Variants in VPS35L observed in about 807,000 individuals in gnomAD.
The protein encoded by VPS35L is VPS35 endosomal protein-sorting factor-like.
A neutral mutation model predicts 133.0 loss-of-function variants in VPS35L; 83 were observed. That is an observed-to-expected ratio of 0.62 (90% CI 0.52 to 0.75). The LOEUF (loss-of-function observed/expected upper bound fraction) is 0.75, where lower values mean the gene tolerates loss of function less well. VPS35L is among the 30% of genes least tolerant of loss of function. The pLI is 0.00. For synonymous variants in VPS35L, 423 were observed against 449.9 expected, an observed-to-expected ratio of 0.94 and a Z score of 0.76; for missense variants, 1,083 against 1,206.8, an observed-to-expected ratio of 0.90 and a Z score of 1.52.
At chr16:19,694,732 C>A (rs544545900) in intron 29 of VPS35L, among the ~76,000 whole-genome samples, 1 of 152,136 alleles carries the variant, frequency 6.6e-6, no homozygotes, top group Non-Finnish European at 1.5e-5. Context: ...TGGCCGGGCA[C>A]GGTTGGCTCA....
chr16:19,616,405 G>A (rs1165897151), intron 13 of VPS35L, among the ~76,000 whole-genome samples: 1 of 152,076 alleles, frequency 6.6e-6, no homozygotes, highest in African/African-American at 2.4e-5. Context: ...AACAGGAAAC[G>A]TCTCCAGTCG....
intron 7 of VPS35L, chr16:19,582,000 A>G (rs751358906): frequency 1.9e-4 from 39 of 204,086 alleles, no homozygotes; most frequent in Non-Finnish European, 3.4e-4. Flanking sequence ...AGATTGAGCA[A>G]CTTTCTTTCG....
chr16:19,654,352 A>G (rs1276712368), intron 26 of VPS35L, among the ~76,000 whole-genome samples: 2 of 138,440 alleles, frequency 1.4e-5, no homozygotes, highest in African/African-American at 6.9e-5. Context: ...CCACTAGGAC[A>G]GGCACGTGTC....
chr16:19,572,532 CCCTGCAT>C (rs1433470385), intron 3 of VPS35L, among the ~76,000 whole-genome samples: 1 of 152,206 alleles, frequency 6.6e-6, no homozygotes, highest in African/African-American at 2.4e-5. Flanking sequence ...GGGTCTGTTT[CCCTGCAT>C]CCTTGCCAGC....
At chr16:19,694,669 T>C (rs973338119) in intron 29 of VPS35L, among the ~76,000 whole-genome samples, 2 of 152,022 alleles carry the variant, frequency 1.3e-5, no homozygotes, top group South Asian at 2.1e-4. Context: ...TCTTATTTCT[T>C]ACACAGCCGA....
intron 1 of VPS35L, among the ~76,000 whole-genome samples, chr16:19,559,287 T>G (rs1970954227): frequency 6.6e-6 from 1 of 152,188 alleles, no homozygotes; most frequent in Non-Finnish European, 1.5e-5. Context: ...GCCTGGGGTA[T>G]TTCAGCCCGC....
intron 21 of VPS35L, among the ~76,000 whole-genome samples, chr16:19,641,124 G>C (rs1973775574): frequency 1.3e-5 from 2 of 152,004 alleles, no homozygotes; most frequent in Admixed American, 1.3e-4. Context: ...GAGTGAAATG[G>C]TGCGATCTCA....
chr16:19,690,991 T>C (rs58568604), intron 28 of VPS35L, among the ~76,000 whole-genome samples: 18,050 of 150,930 alleles, frequency 0.12, 2,059 homozygotes, highest in African/African-American at 0.3. Context: ...AAAAGAAAAA[T>C]CATGTCTTCA....
chr16:19,559,995 G>A (rs11865920), intron 1 of VPS35L, among the ~76,000 whole-genome samples: 21,842 of 152,022 alleles, frequency 0.14, 2,220 homozygotes, highest in East Asian at 0.37. Context: ...GAGCCACTGC[G>A]CCCGGCCCAG....
intron 9 of VPS35L, among the ~76,000 whole-genome samples, chr16:19,607,269 G>A (rs1009004963): frequency 6.6e-6 from 1 of 152,290 alleles, no homozygotes; most frequent in Admixed American, 6.5e-5. Context: ...CTGGTACCAA[G>A]GATCCTCACT....
intron 9 of VPS35L, among the ~76,000 whole-genome samples, chr16:19,603,270 C>T (rs1442253997): frequency 6.6e-6 from 1 of 152,110 alleles, no homozygotes; most frequent in Non-Finnish European, 1.5e-5. Flanking sequence ...CTTGCTCTTT[C>T]TTAGTGCTGC....
chr16:19,614,453 C>A (rs1972822230), intron 12 of VPS35L, among the ~76,000 whole-genome samples: 1 of 152,192 alleles, frequency 6.6e-6, no homozygotes, highest in African/African-American at 2.4e-5. Context: ...ACTTTGTTGC[C>A]CAGGCTGGAG....
chr16:19,679,281 C>T (rs1308535179), intron 27 of VPS35L, among the ~76,000 whole-genome samples: 1 of 151,736 alleles, frequency 6.6e-6, no homozygotes, highest in African/African-American at 2.4e-5. Flanking sequence ...CTCATTCTTG[C>T]CAGTATCATA....
At chr16:19,603,103 A>G (rs1048776119) in intron 9 of VPS35L, among the ~76,000 whole-genome samples, 6 of 152,086 alleles carry the variant, frequency 3.9e-5, no homozygotes, top group African/African-American at 1.4e-4. Context: ...ATTTGTCAGA[A>G]AGAAAGAGAC....
intron 29 of VPS35L, among the ~76,000 whole-genome samples, chr16:19,696,282 G>C (rs1279164506): frequency 6.6e-6 from 1 of 152,136 alleles, no homozygotes; most frequent in East Asian, 1.9e-4. Context: ...TGGTATCCAG[G>C]CCCATCACAG....
intron 1 of VPS35L, among the ~76,000 whole-genome samples, chr16:19,556,340 G>A (rs548806883): frequency 6.6e-6 from 1 of 150,966 alleles, no homozygotes; most frequent in African/African-American, 2.5e-5. Context: ...CCCCACCAGG[G>A]GGCTAGGGGA....
At chr16:19,648,165 G>A (rs1169441786) in intron 24 of VPS35L, among the ~76,000 whole-genome samples, 1 of 151,986 alleles carries the variant, frequency 6.6e-6, no homozygotes, top group East Asian at 1.9e-4. Flanking sequence ...TGGGGTCTCT[G>A]TGTTGCCCAG....
chr16:19,656,616 C>T (rs1974311525), intron 26 of VPS35L, among the ~76,000 whole-genome samples: 1 of 151,858 alleles, frequency 6.6e-6, no homozygotes, highest in Non-Finnish European at 1.5e-5. Context: ...GAGACGATGA[C>T]AGTGGTACCT....
At chr16:19,656,962 G>GTT (rs1180404849) in intron 26 of VPS35L, among the ~76,000 whole-genome samples, 22,004 of 109,424 alleles carry the variant, frequency 0.2, 2,775 homozygotes, top group Non-Finnish European at 0.27. Flanking sequence ...AAAAGAACTT[G>GTT]TTTTTTTTTT....
Sources: gnomAD v4.1 joint callset for allele counts (sites outside exome capture counted in the v4.1 genomes callset) on GRCh38, gnomAD v4.1.1 for gene constraint, MANE v1.5 for transcripts, NCBI Gene and HGNC (gene_info 2026-07-23, HGNC 2026-07-21) for gene names.